The following TMEM131 variants were observed in gnomAD, a reference collection of about 807,000 sequenced individuals.
TMEM131 encodes the protein 2610524E03Rik.
In TMEM131, 66 loss-of-function variants were observed where a neutral mutation model predicts 211.6. That is an observed-to-expected ratio of 0.31 (90% CI 0.26 to 0.38). The LOEUF (loss-of-function observed/expected upper bound fraction) is 0.38, where lower values mean the gene tolerates loss of function less well. Ranked by LOEUF, TMEM131 falls within the 10% of genes least tolerant of loss-of-function variation. TMEM131 has a pLI of 1.00. For missense variants in TMEM131, 2,036 were observed against 2,299.3 expected (o/e 0.89, Z 2.34); for synonymous variants, 844 against 841.3 (o/e 1.00, Z -0.06).
At position 97,827,004 on chromosome 2, in the gene TMEM131, G is replaced by A. The variant is rs192601252; in HGVS notation, c.1074+6361C>T. Among the ~76,000 whole-genome samples the A allele has an allele frequency of 5.9e-3, 822 of 139,454 alleles. 2 individuals carry two copies. Among genetic ancestry groups the A allele is most frequent in the Non-Finnish European group, 7.3e-3 (485 of 66,528 alleles). The allele number at this position is 139,454 out of a possible 152,430, so 91.5% of individuals were successfully genotyped here. On this transcript the variant is annotated intron_variant, in intron 11 of 40. Coordinates refer to ENST00000186436, the MANE Select transcript of TMEM131 (RefSeq NM_015348.2). The stretch of plus-strand genomic sequence containing the variant: ...GGAGGAACTCCCTTCAGGACAGGAC[G>A]ATAGATGGTTCCTCCCAAGCAATTA...
At chr2:97,978,071 A>G (rs1462497513) in intron 1 of TMEM131, among the ~76,000 whole-genome samples, 2 of 152,164 alleles carry the variant, frequency 1.3e-5, no homozygotes, top group Non-Finnish European at 2.9e-5. Flanking sequence ...TGGGTGACAG[A>G]GCAAGACTCG....
rs780774901 is a variant in TMEM131 at position 97,801,897 on chromosome 2, T to C, written c.2716A>G (p.Ser906Gly). 2 of 1,603,114 alleles carry C rather than the reference T, an allele frequency of 1.2e-6. No homozygotes were observed. Among genetic ancestry groups the C allele is most frequent in the African/African-American group, 1.3e-5 (1 of 74,572 alleles). Residue 906 changes from serine (S) to glycine (G), a missense_variant and splice_region_variant, in exon 25 of 41, where the codon AGT (serine) becomes GGT (glycine). Coordinates refer to ENST00000186436, the MANE Select transcript of TMEM131 (RefSeq NM_015348.2). ...RTLEFQVFRN[S>G]AHPLQSSTGF... ...TAGTATGAAGTTTGAATACTTACAC[T>C]GTTTCTGAAGACTTGAAATTCTAGT...
At chr2:97,990,564 T>C (rs1390988833) in intron 1 of TMEM131, among the ~76,000 whole-genome samples, 1 of 152,196 alleles carries the variant, frequency 6.6e-6, no homozygotes, top group African/African-American at 2.4e-5. Flanking sequence ...ATCTCTAGAT[T>C]AGGGTTTTAT....
rs1055612126 is a variant in TMEM131, at chr2:97,766,063, G to A, written c.4723+51C>T. 1.2e-5 allele frequency: 19 copies of A among 1,604,792 alleles called. No individual in the cohort carries two copies. In the African/African-American group the frequency reaches 2.4e-4, roughly 20 times the overall value. On this transcript the variant is annotated intron_variant, in intron 35 of 40. Coordinates refer to ENST00000186436, the MANE Select transcript of TMEM131 (RefSeq NM_015348.2). ...CTGAAGAGTTCCATGCCCAGAGTGG[G>A]GTGGATTGTGGGTAAGTGGAGCCCT...
At chr2:97,914,689 GGTT>G (rs1250967399) in intron 2 of TMEM131, among the ~76,000 whole-genome samples, 1 of 152,212 alleles carries the variant, frequency 6.6e-6, no homozygotes, top group African/African-American at 2.4e-5. Context: ...GACTTACCCA[GGTT>G]GTTGTGTGTG....
chr2:97,856,946 T>G (rs529698346), intron 5 of TMEM131, among the ~76,000 whole-genome samples: 1 of 152,352 alleles, frequency 6.6e-6, no homozygotes, highest in African/African-American at 2.4e-5. Flanking sequence ...TATTGTTTAA[T>G]TCCATCATCT....
At chr2:97,759,187 C>A (rs1395742028) in intron 39 of TMEM131, 134 bp from the exon 40 acceptor site, 2 of 1,116,074 alleles carry the variant, frequency 1.8e-6, no homozygotes, top group Non-Finnish European at 2.6e-6. Flanking sequence ...CAGCCCACCA[C>A]AGCCCAGAGG....
chr2:97,831,664 CTTTTTTT>C (rs11378393), intron 11 of TMEM131, among the ~76,000 whole-genome samples: 7,926 of 80,544 alleles, frequency 0.098, 208 homozygotes, highest in Middle Eastern at 0.25. Context: ...TCACATACCT[CTTTTTTT>C]TTTTTTTTTT....
chr2:97,819,368 T>C (rs1682001831), intron 11 of TMEM131, among the ~76,000 whole-genome samples: 1 of 152,224 alleles, frequency 6.6e-6, no homozygotes, highest in Non-Finnish European at 1.5e-5. Flanking sequence ...TTGGAGAGCA[T>C]GCTTTTTAAA....
chr2:97,954,383 G>A (rs958113595), intron 1 of TMEM131, among the ~76,000 whole-genome samples: 14 of 152,172 alleles, frequency 9.2e-5, no homozygotes, highest in Non-Finnish European at 1.9e-4. Flanking sequence ...ATAACTTTAT[G>A]CTCATAAATT....
At chr2:97,927,555 T>C (rs2104444103) in intron 1 of TMEM131, 68 bp from the exon 2 acceptor site, 1 of 1,282,044 alleles carries the variant, frequency 7.8e-7, no homozygotes, top group Non-Finnish European at 1.0e-6. Flanking sequence ...CATCTTTGAC[T>C]TTAAAGTTAA....
intron 1 of TMEM131, among the ~76,000 whole-genome samples, chr2:97,952,144 G>C (rs190925770): frequency 6.7e-6 from 1 of 149,564 alleles, no homozygotes. Context: ...GTGACAGAGC[G>C]AGACTCCATC....
chr2:97,982,440 A>T (rs1467501814), intron 1 of TMEM131, among the ~76,000 whole-genome samples: 1 of 152,130 alleles, frequency 6.6e-6, no homozygotes, highest in Non-Finnish European at 1.5e-5. Flanking sequence ...ATGATTTGCG[A>T]AAATTTTTCT....
chr2:97,988,914 T>G (rs755548415), intron 1 of TMEM131, among the ~76,000 whole-genome samples: 1 of 152,164 alleles, frequency 6.6e-6, no homozygotes, highest in Non-Finnish European at 1.5e-5. Flanking sequence ...TGGGTAGATA[T>G]GCAAAATAGT....
At chr2:97,942,860 G>A (rs1178174705) in intron 1 of TMEM131, among the ~76,000 whole-genome samples, 1 of 151,572 alleles carries the variant, frequency 6.6e-6, no homozygotes, top group Non-Finnish European at 1.5e-5. Context: ...CATGGGGAAC[G>A]GCTGTAATCC....
chr2:97,983,844 G>T (rs538267487), intron 1 of TMEM131, among the ~76,000 whole-genome samples: 111 of 152,322 alleles, frequency 7.3e-4, no homozygotes, highest in African/African-American at 2.2e-3. Flanking sequence ...AGCAATAACA[G>T]GAGTTAACTG....
chr2:97,879,793 A>C (rs1227492212), intron 4 of TMEM131, among the ~76,000 whole-genome samples: 1 of 152,202 alleles, frequency 6.6e-6, no homozygotes, highest in East Asian at 1.9e-4. Flanking sequence ...TGCCTATTAC[A>C]TACAAAATAC....
chr2:97,973,044 C>A (rs1175374632), intron 1 of TMEM131, among the ~76,000 whole-genome samples: 1 of 152,162 alleles, frequency 6.6e-6, no homozygotes, highest in Admixed American at 6.5e-5. Flanking sequence ...GACTTCTGAT[C>A]TCCAGAACCA....
intron 22 of TMEM131, among the ~76,000 whole-genome samples, chr2:97,804,227 T>C (rs554962189): frequency 6.6e-6 from 1 of 152,310 alleles, no homozygotes; most frequent in African/African-American, 2.4e-5. Context: ...ATTTCTATAC[T>C]ACCAAATCAA....
Sources: allele counts gnomAD v4.1 joint callset (sites outside exome capture counted in the v4.1 genomes callset), GRCh38; gene constraint gnomAD v4.1.1; transcripts MANE v1.5; gene names NCBI Gene and HGNC (gene_info 2026-07-23, HGNC 2026-07-21).